IRAK1BP1: variants seen among roughly 807,000 people sequenced by gnomAD.
IRAK1BP1 encodes interleukin 1 receptor associated kinase 1 binding protein 1.
A neutral mutation model predicts 28.0 loss-of-function variants in IRAK1BP1; 24 were observed. The ratio of observed to expected loss-of-function variants is 0.86; its 90% CI spans 0.62 to 1.20. The LOEUF (loss-of-function observed/expected upper bound fraction) is 1.20. Ranked by LOEUF, IRAK1BP1 falls within the 50% of genes most tolerant of loss-of-function variation. The pLI is 0.00. For missense variants in IRAK1BP1, 336 were observed against 316.7 expected (o/e 1.06, Z -0.46); for synonymous variants, 131 against 116.3 (o/e 1.13, Z -0.81).
chr6:78,958,716 C>T, the IRAK1BP1 span: 1 of 686,062 alleles, frequency 1.5e-6, no homozygotes, highest in Admixed American at 2.6e-5. Flanking sequence ...CTGTAAAAAC[C>T]ATTGGTCTTA....
In IRAK1BP1 at chr6:78,898,584, T is replaced by A. The variant is rs1771990814; in HGVS notation, c.*250T>A. 1 of 151,686 alleles carries A rather than the reference T, an allele frequency of 6.6e-6. No homozygotes were observed. Among genetic ancestry groups the A allele is most frequent in the Non-Finnish European group, 1.5e-5 (1 of 68,074 alleles). 9.4% of individuals were successfully genotyped at this position (151,686 alleles called of 1,614,324 possible). A position where few individuals can be genotyped will look rare whatever the true frequency, so the allele number is the denominator to read the frequency against. On this transcript the variant is annotated 3_prime_UTR_variant, in exon 4 of 4. Transcript: ENST00000369940. ...GATAATAAATGTATTATGTGCATAC[T>A]TATATACTGACAGTTCATACAAGCA...
At chr6:78,954,033 T>C in the IRAK1BP1 span, among the ~76,000 whole-genome samples, 108 of 152,338 alleles carry the variant, frequency 7.1e-4, 1 homozygote, top group South Asian at 8.1e-3. Flanking sequence ...AGATTACACA[T>C]TGGCATAACC....
intron 4 of IRAK1BP1, chr6:78,935,862 C>G (rs1355329517): frequency 2.2e-6 from 1 of 462,978 alleles, no homozygotes; most frequent in Admixed American, 6.4e-5. Flanking sequence ...TGAGGCTCTA[C>G]AAAATAGCTT....
chr6:78,963,891 T>C, the IRAK1BP1 span, among the ~76,000 whole-genome samples: 2 of 152,272 alleles, frequency 1.3e-5, no homozygotes, highest in Admixed American at 1.3e-4. Context: ...TTGTGTACAA[T>C]CAAAATTCTC....
the IRAK1BP1 span, among the ~76,000 whole-genome samples, chr6:78,952,261 A>T: frequency 6.6e-6 from 1 of 151,932 alleles, no homozygotes; most frequent in Admixed American, 6.6e-5. Context: ...TCTACTAAAA[A>T]TATACAAATT....
At chr6:78,878,959 A>G (rs146898224) in intron 1 of IRAK1BP1, among the ~76,000 whole-genome samples, 191 of 152,308 alleles carry the variant, frequency 1.3e-3, no homozygotes, top group African/African-American at 4.2e-3. Flanking sequence ...AAGAGTAAAA[A>G]TAAACGAACA....
At chr6:78,928,974 G>GT (rs1395260866) in intron 4 of IRAK1BP1, among the ~76,000 whole-genome samples, 1 of 152,004 alleles carries the variant, frequency 6.6e-6, no homozygotes. Flanking sequence ...CAGTTTTCTT[G>GT]TTTTTGATGT....
At position 78,898,411 on chromosome 6, in the gene IRAK1BP1, AATATATATATATATATATATATAT is replaced by A. The variant is rs58937738; in HGVS notation, c.*88_*111del. 1 of 84,066 alleles carries A rather than the reference AATATATATATATATATATATATAT, an allele frequency of 1.2e-5. No individual in the cohort carries two copies. The highest frequency in any genetic ancestry group is 2.1e-5 in the Non-Finnish European group (1 of 47,970). 5.2% of individuals were successfully genotyped at this position (84,066 alleles called of 1,614,324 possible). Reference sequence around the variant, plus strand: ...TTTTATAATGTTTACGTTTGTCCTGAATATATATATATATATATATATATATATATATATGGTATAGGAGATAAG... The same window carrying A: ...TTTTATAATGTTTACGTTTGTCCTGAATATATATATGGTATAGGAGATAAG... On this transcript the variant is annotated 3_prime_UTR_variant, in exon 4 of 4. Transcript: ENST00000369940.
At chr6:78,948,763 G>C (rs1773973051), downstream of IRAK1BP1, among the ~76,000 whole-genome samples, 1 of 152,068 alleles carries the variant, frequency 6.6e-6, no homozygotes, top group Non-Finnish European at 1.5e-5. Flanking sequence ...CAAAGTGCTG[G>C]GATTATAGGC....
At chr6:78,975,689 A>G in the IRAK1BP1 span, among the ~76,000 whole-genome samples, 12 of 152,306 alleles carry the variant, frequency 7.9e-5, 1 homozygote, top group Admixed American at 4.6e-4. Context: ...CAGGATACAA[A>G]ATCAATGTGC....
At chr6:78,941,964 T>C (rs1040779149) in intron 4 of IRAK1BP1, among the ~76,000 whole-genome samples, 1 of 152,116 alleles carries the variant, frequency 6.6e-6, no homozygotes, top group African/African-American at 2.4e-5. Flanking sequence ...CTTTCTGTTG[T>C]AGAAAAAAAT....
At chr6:78,919,682 A>G (rs1772666392) in intron 4 of IRAK1BP1, among the ~76,000 whole-genome samples, 2 of 152,198 alleles carry the variant, frequency 1.3e-5, no homozygotes, top group Non-Finnish European at 2.9e-5. Flanking sequence ...TTAAGTTCCA[A>G]AATTGAATCA....
the IRAK1BP1 span, chr6:78,970,949 G>C: frequency 1.8e-6 from 2 of 1,102,394 alleles, no homozygotes; most frequent in African/African-American, 1.6e-5. Flanking sequence ...AATATACAGG[G>C]TATCAGCTGA....
intron 2 of IRAK1BP1, among the ~76,000 whole-genome samples, chr6:78,896,901 C>A (rs1196794511): frequency 2.6e-5 from 4 of 151,496 alleles, no homozygotes; most frequent in Non-Finnish European, 1.5e-5. Flanking sequence ...TCTCTCTCTG[C>A]TACTCCAGCT....
intron 2 of IRAK1BP1, among the ~76,000 whole-genome samples, chr6:78,893,724 G>A (rs574473583): frequency 7.2e-5 from 11 of 152,136 alleles, no homozygotes; most frequent in East Asian, 5.8e-4. Flanking sequence ...CCAACATGGC[G>A]AAACCCTGTC....
intron 4 of IRAK1BP1, among the ~76,000 whole-genome samples, chr6:78,928,336 AT>A (rs1241658389): frequency 6.6e-6 from 1 of 152,154 alleles, no homozygotes; most frequent in East Asian, 1.9e-4. Context: ...GCATACAGAA[AT>A]GCTACTGATT....
At chr6:78,950,818 ATTG>A (rs150200174), downstream of IRAK1BP1, among the ~76,000 whole-genome samples, 17,253 of 151,578 alleles carry the variant, frequency 0.11, 1,208 homozygotes, top group African/African-American at 0.18. Context: ...GATTTTCTTT[ATTG>A]TTTTTCTTTT....
At position 78,945,821 on chromosome 6, in the gene IRAK1BP1, T is replaced by A. The variant is rs1267390277; in HGVS notation, c.*481T>A. ...TTTTAAGCATTAGTCTATAATGACC[T>A]AAACCTCAATTTAATTCTTCTTATT... On this transcript the variant is annotated 3_prime_UTR_variant and NMD_transcript_variant, in exon 5 of 5. Coordinates refer to the IRAK1BP1 transcript ENST00000606868. 3 of 618,218 alleles carry A rather than the reference T, an allele frequency of 4.9e-6. No homozygotes were observed. The African/African-American group carries it at 5.6e-5, about 11-fold the overall frequency. The allele number at this position is 618,218 out of a possible 1,614,324, so 38.3% of individuals were successfully genotyped here.
chr6:78,888,882 C>G lies in IRAK1BP1; in HGVS notation c.381+3439C>G, dbSNP rs1240559007. Among the ~76,000 whole-genome samples the G allele has an allele frequency of 7.2e-5, 11 of 152,112 alleles. 1 individual carries two copies. The highest frequency in any genetic ancestry group is 1.2e-4 in the Non-Finnish European group (8 of 67,964). ...CCTCTAATCCCAGCACTTTGGGAGG[C>G]TGAGGTGGGCGGATTGCTTGAGCCC... On this transcript the variant is annotated intron_variant, in intron 2 of 3. Transcript: ENST00000369940.
Sources: gnomAD v4.1 joint callset for allele counts (sites outside exome capture counted in the v4.1 genomes callset) on GRCh38, gnomAD v4.1.1 for gene constraint, MANE v1.5 for transcripts, NCBI Gene and HGNC (gene_info 2026-07-23, HGNC 2026-07-21) for gene names.